Variants in SNW1 observed in about 807,000 individuals in gnomAD.
SNW1 encodes the protein SNW domain containing 1.
A neutral mutation model predicts 75.6 loss-of-function variants in SNW1; 9 were observed. That is an observed-to-expected ratio of 0.12 (90% CI 0.07 to 0.21). SNW1 has a LOEUF of 0.21. Among genes scored for constraint, SNW1 ranks in the 10% least tolerant of loss-of-function variants. SNW1 has a pLI of 1.00. For missense variants in SNW1, 409 were observed against 670.9 expected (o/e 0.61, Z 4.31); for synonymous variants, 200 against 219.1 (o/e 0.91, Z 0.77).
Position 77,717,940 on chromosome 14 carries a change from C to G in SNW1, c.*148G>C, listed in dbSNP as rs1218606866. 4.0e-5 allele frequency: 27 copies of G among 682,804 alleles called. No homozygotes were observed. In the Admixed American group the frequency reaches 8.1e-4, roughly 20 times the overall value. The allele number at this position is 682,804 out of a possible 1,614,324, so 42.3% of individuals were successfully genotyped here. On this transcript the variant is annotated 3_prime_UTR_variant, in exon 14 of 14. Coordinates refer to ENST00000261531, the MANE Select transcript of SNW1 (RefSeq NM_012245.3). The stretch of plus-strand genomic sequence containing the variant: ...ATAATTCAAAGTAGAATTTTCTATC[C>G]CCCCCATTTCTCCAGTAATAAAAAG...
chr14:77,728,509 G>A (rs1209669312), intron 10 of SNW1, among the ~76,000 whole-genome samples: 1 of 152,090 alleles, frequency 6.6e-6, no homozygotes, highest in African/African-American at 2.4e-5. Flanking sequence ...TATGCATAAT[G>A]TTTCCCTTAT....
chr14:77,751,197 G>T, intron 3 of SNW1, 122 bp downstream of exon 3: 1 of 981,010 alleles, frequency 1.0e-6, no homozygotes, highest in Non-Finnish European at 1.5e-6. Flanking sequence ...ATAGGTACGA[G>T]CCACCATGCC....
intron 1 of SNW1, among the ~76,000 whole-genome samples, chr14:77,758,690 A>C (rs1305154058): frequency 1.3e-5 from 2 of 152,250 alleles, no homozygotes; most frequent in African/African-American, 4.8e-5. Flanking sequence ...TAGAATTCCA[A>C]TTCTGTCCCA....
At chr14:77,721,026 A>T (rs2080536131) in intron 11 of SNW1, 198 bp from the exon 12 acceptor site, 1 of 556,350 alleles carries the variant, frequency 1.8e-6, no homozygotes, top group African/African-American at 1.9e-5. Flanking sequence ...GAGTTTTACA[A>T]TTAGGACGTC....
At chr14:77,760,584 T>C (rs1023928465) in intron 1 of SNW1, 2 of 691,438 alleles carry the variant, frequency 2.9e-6, no homozygotes, top group African/African-American at 1.8e-5. Context: ...CAGTGGCGCA[T>C]ATCAGCAGAC....
intron 2 of SNW1, among the ~76,000 whole-genome samples, chr14:77,753,728 G>A (rs933558165): frequency 2.0e-5 from 3 of 151,994 alleles, no homozygotes; most frequent in Admixed American, 2.0e-4. Context: ...GAGGCAGGTG[G>A]ATCACCTGAA....
intron 3 of SNW1, among the ~76,000 whole-genome samples, chr14:77,741,677 T>G (rs1417638149): frequency 6.6e-6 from 1 of 152,080 alleles, no homozygotes; most frequent in Admixed American, 6.5e-5. Flanking sequence ...ACCTCAAAAG[T>G]CTTATTTCCT....
At chr14:77,746,996 C>T (rs748515567) in intron 3 of SNW1, among the ~76,000 whole-genome samples, 6 of 151,998 alleles carry the variant, frequency 3.9e-5, no homozygotes, top group Non-Finnish European at 2.9e-5. Flanking sequence ...GCCACCATCT[C>T]GGCTCACTGC....
chr14:77,719,070 T>C (rs919387694), intron 12 of SNW1, among the ~76,000 whole-genome samples: 1 of 152,248 alleles, frequency 6.6e-6, no homozygotes, highest in South Asian at 2.1e-4. Context: ...TGTGCCACCA[T>C]GTCCAGCTAA....
chr14:77,757,987 A>T lies in SNW1; in HGVS notation c.15-2867T>A, dbSNP rs1243760818. Among the ~76,000 whole-genome samples, 17 of 126,834 alleles carry T rather than the reference A, an allele frequency of 1.3e-4. No homozygotes were observed. The East Asian group carries it at 2.5e-3, about 19-fold the overall frequency. 83.2% of individuals were successfully genotyped at this position (126,834 alleles called of 152,430 possible). A position where few individuals can be genotyped will look rare whatever the true frequency, so the allele number is the denominator to read the frequency against. On this transcript the variant is annotated intron_variant, in intron 1 of 13. Coordinates refer to ENST00000261531, the MANE Select transcript of SNW1 (RefSeq NM_012245.3). ...ATCAATCACAATTTTTCTCTATTGC[A>T]ATCAATCAATCACAATTTTTCTCTA...
At chr14:77,724,122 GGACA>G (rs1311273144) in intron 10 of SNW1, among the ~76,000 whole-genome samples, 3 of 152,070 alleles carry the variant, frequency 2.0e-5, no homozygotes, top group South Asian at 4.1e-4. Context: ...GCAGTAAATC[GGACA>G]GACAGATGGA....
chr14:77,744,665 T>C (rs989141647), intron 3 of SNW1, among the ~76,000 whole-genome samples: 1 of 152,118 alleles, frequency 6.6e-6, no homozygotes, highest in Non-Finnish European at 1.5e-5. Flanking sequence ...AACTCCTGCT[T>C]TCCAGTCTTG....
intron 3 of SNW1, among the ~76,000 whole-genome samples, chr14:77,742,487 T>C (rs2139917850): frequency 6.6e-6 from 1 of 152,304 alleles, no homozygotes; most frequent in South Asian, 2.1e-4. Flanking sequence ...GATAAAGTAG[T>C]AACTCATCTG....
intron 12 of SNW1, among the ~76,000 whole-genome samples, chr14:77,719,279 C>T (rs542335593): frequency 2.6e-5 from 4 of 151,960 alleles, no homozygotes; most frequent in African/African-American, 4.8e-5. Flanking sequence ...TATTTACTTA[C>T]GTGAAATTTC....
chr14:77,733,352 A>C (rs185858954), intron 8 of SNW1, among the ~76,000 whole-genome samples: 65 of 152,366 alleles, frequency 4.3e-4, no homozygotes, highest in African/African-American at 1.5e-3. Context: ...ACAGTCAAAC[A>C]AAGGTAGAAT....
At chr14:77,724,974 A>G (rs566104804) in intron 10 of SNW1, among the ~76,000 whole-genome samples, 3 of 152,068 alleles carry the variant, frequency 2.0e-5, no homozygotes, top group Non-Finnish European at 4.4e-5. Context: ...CTAAAAATGT[A>G]CTAGTGTTCC....
At position 77,717,661 on chromosome 14, in the gene SNW1, C is replaced by A; in HGVS notation, c.*427G>T. The A allele has an allele frequency of 1.6e-6, 2 of 1,219,466 alleles. No homozygotes were observed. Among genetic ancestry groups the A allele is most frequent in the Non-Finnish European group, 2.3e-6 (2 of 852,972 alleles). 75.5% of individuals were successfully genotyped at this position (1,219,466 alleles called of 1,614,324 possible). ...ACCAAGCAAGAGGTTACTTTGCCCA[C>A]TCCAAATTAAAACAGAGCACAATAG... is the stretch of plus-strand genomic sequence containing the variant. On this transcript the variant is annotated 3_prime_UTR_variant, in exon 14 of 14. Transcript: ENST00000261531.
At chr14:77,722,366 A>C (rs1361103511) in intron 11 of SNW1, 1 of 343,854 alleles carries the variant, frequency 2.9e-6, no homozygotes, top group Non-Finnish European at 5.7e-6. Flanking sequence ...TGTCTTTCTG[A>C]ACTGTAAGTT....
At chr14:77,744,012 C>G (rs2080738532) in intron 3 of SNW1, among the ~76,000 whole-genome samples, 1 of 151,462 alleles carries the variant, frequency 6.6e-6, no homozygotes. Context: ...GCATTACAGA[C>G]AAAAGCAACG....
Sources: allele counts gnomAD v4.1 joint callset (sites outside exome capture counted in the v4.1 genomes callset), GRCh38; gene constraint gnomAD v4.1.1; transcripts MANE v1.5; gene names NCBI Gene and HGNC (gene_info 2026-07-23, HGNC 2026-07-21).